The following ZNF821 variants were observed in gnomAD, a reference collection of about 807,000 sequenced individuals.
The protein encoded by ZNF821 is zinc finger protein 821.
A neutral mutation model predicts 44.3 loss-of-function variants in ZNF821; 16 were observed. The observed-to-expected ratio is 0.36, with a 90% CI of 0.24 to 0.55. ZNF821 has a LOEUF of 0.55. Among genes scored for constraint, ZNF821 ranks in the 20% least tolerant of loss-of-function variants. The probability of loss-of-function intolerance (pLI) is 0.86; values close to 1 mark genes in which losing one functional copy is unlikely to be tolerated. For missense variants in ZNF821, 436 were observed against 547.6 expected (o/e 0.80, Z 2.03); for synonymous variants, 204 against 197.6 (o/e 1.03, Z -0.27).
chr16:71,889,109 C>T (rs1354514873), upstream of ZNF821, among the ~76,000 whole-genome samples: 2 of 152,162 alleles, frequency 1.3e-5, no homozygotes, highest in African/African-American at 4.8e-5. Flanking sequence ...ATTAGCCAGG[C>T]ATGGTGGCAT....
intron 3 of ZNF821, among the ~76,000 whole-genome samples, chr16:71,874,485 A>T (rs1225781242): frequency 6.6e-6 from 1 of 151,940 alleles, no homozygotes; most frequent in Non-Finnish European, 1.5e-5. Flanking sequence ...ACCAAGTCTC[A>T]TTCTGTCGTC....
At chr16:71,895,111 C>G in exon 1 of ZNF821, 3 of 343,184 alleles carry the variant, frequency 8.7e-6, no homozygotes, top group Non-Finnish European at 1.6e-5. Context: ...GGGGGAAAGT[C>G]CAGCGAAAGG....
chr16:71,865,040 C>T lies in ZNF821; in HGVS notation c.175G>A (p.Glu59Lys), dbSNP rs1156880350. ...RDQDSSSSDS[E>K]GDEEETTQDE... ...TGTGTCGTCTCCTCTTCATCACCCT[C>T]ACTGTCACCTGGAACACACAAACTG... The change falls in exon 5 of 8, where the codon GAG becomes AAG. Residue 59 changes from glutamate (E) to lysine (K), a missense_variant. By Grantham distance (56) the Glu-to-Lys change is moderately conservative. Coordinates refer to ENST00000425432, the MANE Select transcript of ZNF821 (RefSeq NM_001201552.2). 1 of 1,614,108 alleles carries T rather than the reference C, an allele frequency of 6.2e-7. No individual in the cohort carries two copies.
chr16:71,875,615 G>A (rs572036204), intron 3 of ZNF821, among the ~76,000 whole-genome samples: 15 of 152,136 alleles, frequency 9.9e-5, no homozygotes, highest in South Asian at 2.1e-4. Flanking sequence ...CACCACGCCC[G>A]GCTAATTTTT....
intron 7 of ZNF821, among the ~76,000 whole-genome samples, chr16:71,861,238 G>C (rs551739050): frequency 6.6e-6 from 1 of 152,232 alleles, no homozygotes; most frequent in Non-Finnish European, 1.5e-5. Flanking sequence ...CAAACCCTTG[G>C]TGTTTTCACT....
intron 4 of ZNF821, among the ~76,000 whole-genome samples, chr16:71,865,877 G>C (rs770725513): frequency 6.6e-6 from 1 of 152,192 alleles, no homozygotes; most frequent in Non-Finnish European, 1.5e-5. Context: ...TTTAGGGGTA[G>C]GATGTGGCTA....
Position 71,860,157 on chromosome 16 carries a change from A to G in ZNF821, c.1100T>C (p.Phe367Ser). Residue 367 changes from phenylalanine to serine, a missense_variant, in exon 8 of 8, where the codon TTT becomes TCT. Physicochemically the swap from Phe to Ser is radical, Grantham distance 155 (BLOSUM62 -2). Transcript: ENST00000425432. The surrounding 1 kb of genome is among the most constrained non-coding windows in gnomAD (Gnocchi z 7.3). ...EKMDMMLRAQ[F>S]GQDPSAMAAL... ...TGCCATGGCAGAAGGGTCCTGGCCAAACTGAGCTCGCAACATCATGTCCAT... is the reference window on the plus strand; with the variant it reads ...TGCCATGGCAGAAGGGTCCTGGCCAGACTGAGCTCGCAACATCATGTCCAT... 1.9e-6 allele frequency: 3 copies of G among 1,614,206 alleles called. No homozygotes were observed. Among genetic ancestry groups the G allele is most frequent in the African/African-American group, 1.3e-5 (1 of 75,058 alleles).
chr16:71,875,275 T>G (rs1049645542), intron 3 of ZNF821, among the ~76,000 whole-genome samples: 4 of 152,152 alleles, frequency 2.6e-5, no homozygotes, highest in African/African-American at 9.6e-5. Flanking sequence ...TTTTTCCATC[T>G]GTTTTTCTTT....
At chr16:71,873,120 G>C (rs1009160256) in intron 3 of ZNF821, among the ~76,000 whole-genome samples, 7 of 152,180 alleles carry the variant, frequency 4.6e-5, no homozygotes, top group African/African-American at 1.7e-4. Context: ...TCAGGAGTTT[G>C]AGACCACCCT....
upstream of ZNF821, among the ~76,000 whole-genome samples, chr16:71,889,074 G>A (rs530160942): frequency 6.6e-6 from 1 of 152,018 alleles, no homozygotes; most frequent in South Asian, 2.1e-4. Flanking sequence ...GTGAGATCCT[G>A]TCTCTACAAA....
chr16:71,876,584 TTTTTTCTTTCTC>T (rs1041551919), intron 3 of ZNF821, among the ~76,000 whole-genome samples: 1 of 152,036 alleles, frequency 6.6e-6, no homozygotes, highest in Admixed American at 6.6e-5. Context: ...AATACTTCAT[TTTTTTCTTTCTC>T]TTTTTCTTTT....
chr16:71,864,987 C>T lies in ZNF821; in HGVS notation c.228G>A (p.Glu76=). 1 of 1,614,230 alleles carries T rather than the reference C, an allele frequency of 6.2e-7. No homozygotes were observed. The highest frequency in any genetic ancestry group is 8.5e-7 in the Non-Finnish European group (1 of 1,180,048). Residue 76 remains glutamate, a synonymous_variant, in exon 5 of 8, where the codon GAG becomes GAA. Coordinates refer to ENST00000425432, the MANE Select transcript of ZNF821 (RefSeq NM_001201552.2). The part of the protein sequence containing the change: ...TQDEVSSHTS[E]EDGGVVKVEK... The stretch of plus-strand genomic sequence containing the variant: ...CCACTTTGACCACCCCTCCATCTTC[C>T]TCTGATGTGTGGGAAGAGACTTCAT...
chr16:71,867,197 A>G (rs112897763), intron 4 of ZNF821, among the ~76,000 whole-genome samples: 55 of 152,358 alleles, frequency 3.6e-4, no homozygotes, highest in African/African-American at 1.1e-3. Flanking sequence ...CCTTCAAGCA[A>G]GGTTTCATTA....
rs543553549 is a variant in ZNF821, at chr16:71,883,937, G to T, written c.-170C>A. Reference sequence around the variant, plus strand: ...CGCCTCGGCGCTGCGCTGCGCTCTGGGTCCCTGGGCCCCGCCTCCGGACAG... The same window carrying T: ...CGCCTCGGCGCTGCGCTGCGCTCTGTGTCCCTGGGCCCCGCCTCCGGACAG... On this transcript the variant is annotated 5_prime_UTR_variant, in exon 1 of 8. Coordinates refer to ENST00000425432, the MANE Select transcript of ZNF821 (RefSeq NM_001201552.2). 1 of 152,334 alleles carries T rather than the reference G, an allele frequency of 6.6e-6. No individual in the cohort carries two copies. Among genetic ancestry groups the T allele is most frequent in the East Asian group, 1.9e-4 (1 of 5,164 alleles). The allele number at this position is 152,334 out of a possible 1,614,324, so 9.4% of individuals were successfully genotyped here. A position where few individuals can be genotyped will look rare whatever the true frequency, so the allele number is the denominator to read the frequency against.
Position 71,893,029 on chromosome 16 carries a change from C to CTTTTTTTTTTTTTTT in ZNF821, n.448+1845_448+1859dup, listed in dbSNP as rs1199482590. Among the ~76,000 whole-genome samples, 14 of 65,918 alleles carry CTTTTTTTTTTTTTTT rather than the reference C, an allele frequency of 2.1e-4. 3 individuals carry two copies. The highest frequency in any genetic ancestry group is 6.2e-4 in the African/African-American group (10 of 16,032). The allele number at this position is 65,918 out of a possible 152,430, so 43.2% of individuals were successfully genotyped here. The stretch of plus-strand genomic sequence containing the variant: ...TACAGGCATGAGCCACCCTGCCTGG[C>CTTTTTTTTTTTTTTT]TTTTTTTTTTTTTTTTTTGAGATAT... On this transcript the variant is annotated intron_variant and non_coding_transcript_variant, in intron 1 of 2. Coordinates refer to the ZNF821 transcript ENST00000561700.
intron 2 of ZNF821, chr16:71,882,113 T>C (rs543705904): frequency 2.4e-4 from 36 of 151,802 alleles, no homozygotes; most frequent in Middle Eastern, 6.8e-3. Flanking sequence ...GTACTAAAAA[T>C]ACAAAAACTA....
chr16:71,861,723 A>T, intron 7 of ZNF821, 53 bp downstream of exon 7: 1 of 1,605,342 alleles, frequency 6.2e-7, no homozygotes, highest in Middle Eastern at 2.1e-4. Flanking sequence ...AGAAAGCAGA[A>T]CTCACACCCA....
chr16:71,869,651 T>A (rs1044165953), intron 3 of ZNF821, among the ~76,000 whole-genome samples: 12 of 152,102 alleles, frequency 7.9e-5, no homozygotes, highest in African/African-American at 2.7e-4. Context: ...TTTTTTTTTC[T>A]TTTTGAGACA....
At chr16:71,894,976 A>G (rs1033552998) in exon 1 of ZNF821, 8 of 739,996 alleles carry the variant, frequency 1.1e-5, no homozygotes, top group Non-Finnish European at 1.8e-5. Context: ...ATGCTGGTCC[A>G]AAGGGCAACC....
Sources: gnomAD v4.1 joint callset for allele counts (sites outside exome capture counted in the v4.1 genomes callset) on GRCh38, gnomAD v4.1.1 for gene constraint, Gnocchi (gnomAD v3.1) non-coding constraint, MANE v1.5 for transcripts, NCBI Gene and HGNC (gene_info 2026-07-23, HGNC 2026-07-21) for gene names.